Variants in PCDHGA1 observed in about 807,000 individuals in gnomAD.
PCDHGA1 encodes the protein protocadherin gamma-A1.
A neutral mutation model predicts 58.0 loss-of-function variants in PCDHGA1; 32 were observed. That is an observed-to-expected ratio of 0.55 (90% CI 0.42 to 0.74). PCDHGA1 has a LOEUF of 0.74. PCDHGA1 is among the 30% of genes least tolerant of loss of function. PCDHGA1 has a pLI of 0.00. For missense variants in PCDHGA1, 1,205 were observed against 1,182.3 expected, an observed-to-expected ratio of 1.02 and a Z score of -0.28; for synonymous variants, 498 against 501.1, an observed-to-expected ratio of 0.99 and a Z score of 0.08.
At chr5:141,356,874 T>C in intron 1 of PCDHGA1, 1 of 1,614,196 alleles carries the variant, frequency 6.2e-7, no homozygotes, top group South Asian at 1.1e-5. Context: ...AGAACGACAA[T>C]GTCCCTGAGA....
At chr5:141,502,484 G>A (rs962659219) in intron 2 of PCDHGA1, among the ~76,000 whole-genome samples, 1 of 152,000 alleles carries the variant, frequency 6.6e-6, no homozygotes. Context: ...CATCACACTG[G>A]GACTCATCTA....
chr5:141,431,709 T>A lies in PCDHGA1; in HGVS notation c.2422-63098T>A. 6.2e-7 allele frequency: 1 copy of A among 1,614,168 alleles called. No individual in the cohort carries two copies. Among genetic ancestry groups the A allele is most frequent in the Non-Finnish European group, 8.5e-7 (1 of 1,180,018 alleles). ...CACGAGGAGTCAGGATTCTACCAGA[T>A]GGAAGTGCAAGCAATGGATAATGCA... On this transcript the variant is annotated intron_variant, in intron 1 of 3. Coordinates refer to ENST00000517417, the MANE Select transcript of PCDHGA1 (RefSeq NM_018912.3). This position sits in a 1 kb window ranked among gnomAD's most constrained non-coding sequence, Gnocchi z 4.8.
At position 141,489,369 on chromosome 5, in the gene PCDHGA1, G is replaced by T; in HGVS notation, c.2422-5438G>T. ...TGGTGGAGGAGTCTGAGCCGGGGAC[G>T]CTGGTGGGGAATGTTGCTCAGGATC... On this transcript the variant is annotated intron_variant, in intron 1 of 3. Coordinates refer to ENST00000517417, the MANE Select transcript of PCDHGA1 (RefSeq NM_018912.3). This position sits in a 1 kb window ranked among gnomAD's most constrained non-coding sequence, Gnocchi z 4.5. 6.2e-7 allele frequency: 1 copy of T among 1,613,592 alleles called. No homozygotes were observed.
intron 1 of PCDHGA1, chr5:141,400,244 C>T (rs765839538): frequency 1.9e-6 from 3 of 1,613,928 alleles, no homozygotes; most frequent in East Asian, 4.5e-5. Flanking sequence ...GTGATTCTGG[C>T]CGTTGCCTTG....
chr5:141,341,691 C>G (rs1049309704), intron 1 of PCDHGA1: 12 of 560,616 alleles, frequency 2.1e-5, no homozygotes, highest in African/African-American at 1.3e-4. Context: ...TTCTCCATCC[C>G]TGGGCAAATC....
rs2099413746 is a variant in PCDHGA1, at chr5:141,477,589, G to A, written c.2422-17218G>A. ...ACCCCGACGCCCCGCAGAATGCTCGGCTTTCTTTCTTTCTCTTGGAGCAAG... is the reference window on the plus strand; with the variant it reads ...ACCCCGACGCCCCGCAGAATGCTCGACTTTCTTTCTTTCTCTTGGAGCAAG... On this transcript the variant is annotated intron_variant, in intron 1 of 3. Transcript: ENST00000517417. The surrounding 1 kb of genome is among the most constrained non-coding windows in gnomAD (Gnocchi z 4.9). 1 of 1,614,012 alleles carries A rather than the reference G, an allele frequency of 6.2e-7. No individual in the cohort carries two copies. The highest frequency in any genetic ancestry group is 1.1e-5 in the South Asian group (1 of 91,090).
rs769633110 is a variant in PCDHGA1 at position 141,374,076 on chromosome 5, A to G, written c.2421+40971A>G. The G allele has an allele frequency of 3.3e-6, 5 of 1,514,538 alleles. No homozygotes were observed. The Admixed American group carries it at 9.2e-5, about 28-fold the overall frequency. 93.8% of individuals were successfully genotyped at this position (1,514,538 alleles called of 1,614,324 possible). A position where few individuals can be genotyped will look rare whatever the true frequency, so the allele number is the denominator to read the frequency against. ...CTTAATCCCAGAGAAGTTCCTAATA[A>G]GCCAGTAATGGCGCCTCCGCAGAGG... On this transcript the variant is annotated intron_variant, in intron 1 of 3. Coordinates refer to ENST00000517417, the MANE Select transcript of PCDHGA1 (RefSeq NM_018912.3).
intron 1 of PCDHGA1, chr5:141,399,206 C>T (rs2093769623): frequency 1.2e-6 from 2 of 1,613,908 alleles, no homozygotes; most frequent in South Asian, 2.2e-5. Flanking sequence ...GTGCCTGGAA[C>T]ACTAATTGCT....
rs772052592 is a variant in PCDHGA1, at chr5:141,385,040, T to C, written c.2421+51935T>C. 6.2e-6 allele frequency: 10 copies of C among 1,614,040 alleles called. No individual in the cohort carries two copies. In the South Asian group the frequency reaches 9.9e-5, roughly 16 times the overall value. On this transcript the variant is annotated intron_variant, in intron 1 of 3. Coordinates refer to ENST00000517417, the MANE Select transcript of PCDHGA1 (RefSeq NM_018912.3). The stretch of plus-strand genomic sequence containing the variant: ...GCCTTCGTCCTCGTACTGCTGGCGC[T>C]CAGGCTGCGGCGCTGGCACAAGTCA...
intron 1 of PCDHGA1, chr5:141,384,400 G>C: frequency 6.2e-7 from 1 of 1,613,936 alleles, no homozygotes; most frequent in South Asian, 1.1e-5. Flanking sequence ...GGGGGCTCCA[G>C]TGTCCTCCTA....
chr5:141,387,788 A>G, intron 1 of PCDHGA1: 2 of 1,487,916 alleles, frequency 1.3e-6, no homozygotes, highest in Non-Finnish European at 1.8e-6. Flanking sequence ...TGGAACTGCA[A>G]CTAAAGTCCG....
intron 1 of PCDHGA1, chr5:141,399,778 C>A (rs187080333): frequency 6.2e-7 from 1 of 1,613,250 alleles, no homozygotes; most frequent in African/African-American, 1.3e-5. Context: ...GGTGGGCGAC[C>A]GAAACGACAA....
intron 1 of PCDHGA1, chr5:141,339,272 C>T: frequency 6.2e-7 from 1 of 1,614,226 alleles, no homozygotes; most frequent in Non-Finnish European, 8.5e-7. Context: ...TCAGAGCGCA[C>T]CCTGTCTGTT....
chr5:141,337,756 T>C (rs1434177985), intron 1 of PCDHGA1, among the ~76,000 whole-genome samples: 1 of 152,234 alleles, frequency 6.6e-6, no homozygotes, highest in Non-Finnish European at 1.5e-5. Flanking sequence ...AATTGTATGC[T>C]TGACTATGGT....
At position 141,332,859 on chromosome 5, in the gene PCDHGA1, A is replaced by G. The variant is rs145241441; in HGVS notation, c.2175A>G (p.Leu725=). 1.5e-4 allele frequency: 250 copies of G among 1,614,202 alleles called. 1 individual carries two copies. The highest frequency in any genetic ancestry group is 1.9e-4 in the Non-Finnish European group (227 of 1,180,032). ...GGCGCTGGCACAAGTCACGTCTGCT[A>G]CAGGCTTCGGGAGGCGGCTTAGCGA... The part of the protein sequence containing the change: ...RLRRWHKSRL[L]QASGGGLASM... The change falls in exon 1 of 4, where the codon CTA becomes CTG. Residue 725 remains leucine, a synonymous_variant. Transcript: ENST00000517417. This position sits in a 1 kb window ranked among gnomAD's most constrained non-coding sequence, Gnocchi z 4.6.
In PCDHGA1 at chr5:141,485,713, G is replaced by A. The variant is rs769162337; in HGVS notation, c.2422-9094G>A. The stretch of plus-strand genomic sequence containing the variant: ...TGAGCTCCAATGAACACTTTGCACT[G>A]GATGTGAAGAAGCGCAGCGACGGCA... On this transcript the variant is annotated intron_variant, in intron 1 of 3. Transcript: ENST00000517417. The surrounding 1 kb of genome is among the most constrained non-coding windows in gnomAD (Gnocchi z 5.7). 2 of 1,614,084 alleles carry A rather than the reference G, an allele frequency of 1.2e-6. No homozygotes were observed. The highest frequency in any genetic ancestry group is 1.3e-5 in the African/African-American group (1 of 74,942).
intron 1 of PCDHGA1, chr5:141,417,914 C>T: frequency 6.2e-7 from 1 of 1,602,320 alleles, no homozygotes; most frequent in Non-Finnish European, 8.5e-7. Context: ...GGTACTATTT[C>T]CTTTGCTGCT....
intron 1 of PCDHGA1, among the ~76,000 whole-genome samples, chr5:141,387,466 C>G (rs1589036513): frequency 6.6e-6 from 1 of 152,194 alleles, no homozygotes; most frequent in Non-Finnish European, 1.5e-5. Context: ...TAAAAATCCT[C>G]AAAGTTGGGA....
chr5:141,501,439 C>G (rs1245306644), intron 2 of PCDHGA1, among the ~76,000 whole-genome samples: 1 of 151,978 alleles, frequency 6.6e-6, no homozygotes, highest in Non-Finnish European at 1.5e-5. Context: ...TCCATTTCTT[C>G]CATTTTTACT....
Sources: allele counts gnomAD v4.1 joint callset (sites outside exome capture counted in the v4.1 genomes callset), GRCh38; gene constraint gnomAD v4.1.1; non-coding constraint Gnocchi (gnomAD v3.1); transcripts MANE v1.5; gene names NCBI Gene and HGNC (gene_info 2026-07-23, HGNC 2026-07-21).